The following CNIH3 variants were observed in gnomAD, a reference collection of about 807,000 sequenced individuals.
CNIH3 encodes the protein protein cornichon homolog 3.
Under a neutral mutation model 24.1 loss-of-function variants are expected in CNIH3, and 14 were observed. That is an observed-to-expected ratio of 0.58 (90% CI 0.38 to 0.91). The LOEUF (loss-of-function observed/expected upper bound fraction) is 0.91. Among genes scored for constraint, CNIH3 ranks in the 40% least tolerant of loss-of-function variants. CNIH3 has a pLI of 0.00. For missense variants in CNIH3, 178 were observed against 196.8 expected (o/e 0.90, Z 0.57); for synonymous variants, 68 against 73.8 (o/e 0.92, Z 0.40).
chr1:224,708,034 GTC>G (rs1333900838), intron 3 of CNIH3, among the ~76,000 whole-genome samples: 2 of 152,118 alleles, frequency 1.3e-5, no homozygotes, highest in Non-Finnish European at 2.9e-5. Context: ...CCTGCTCCCT[GTC>G]TCTGGTCACG....
chr1:224,511,214 G>A (rs114170325), upstream of CNIH3, among the ~76,000 whole-genome samples: 1,569 of 152,276 alleles, frequency 0.01, 31 homozygotes, highest in African/African-American at 0.035. Flanking sequence ...GCTGCTTGTC[G>A]TTTCCAAGGC....
intron 1 of CNIH3, among the ~76,000 whole-genome samples, chr1:224,502,179 A>T (rs1196390291): frequency 1.3e-5 from 2 of 152,200 alleles, no homozygotes; most frequent in Non-Finnish European, 2.9e-5. Context: ...TGGGGTCCTC[A>T]GAAACAGAGG....
chr1:224,705,851 TTTTTTTTC>T (rs1687765824), intron 3 of CNIH3, among the ~76,000 whole-genome samples: 2 of 70,720 alleles, frequency 2.8e-5, no homozygotes, highest in African/African-American at 7.4e-5. Flanking sequence ...CTTTCTTTTC[TTTTTTTTC>T]TTTTTTTTTT....
chr1:224,658,662 C>T lies in CNIH3; in HGVS notation c.82-22296C>T, dbSNP rs369000506. 8.6e-5 allele frequency among the ~76,000 whole-genome samples: 13 copies of T among 150,574 alleles called. No homozygotes were observed. The East Asian group carries it at 1.9e-3, about 22-fold the overall frequency. On this transcript the variant is annotated intron_variant, in intron 1 of 5. Transcript: ENST00000272133. ...ACTTTTTGATAGGAAATCCACTTTC[C>T]CAGATAATAAGACAGCAAAGACAGC...
chr1:224,448,058 G>T lies in CNIH3; in HGVS notation n.203+13196G>T, dbSNP rs144265777. On this transcript the variant is annotated intron_variant and non_coding_transcript_variant, in intron 1 of 5. Transcript: ENST00000471578. Reference sequence around the variant, plus strand: ...AGTCTTTCAAGTGGCAGCAGCAGATGGGGGCTGGAGGAGGAGAAAATGGAT... The same window carrying T: ...AGTCTTTCAAGTGGCAGCAGCAGATTGGGGCTGGAGGAGGAGAAAATGGAT... Among the ~76,000 whole-genome samples, 44 of 152,268 alleles carry T rather than the reference G, an allele frequency of 2.9e-4. No individual in the cohort carries two copies. The East Asian group carries it at 6.4e-3, about 22-fold the overall frequency.
At chr1:224,654,346 C>T (rs1685001581) in intron 1 of CNIH3, among the ~76,000 whole-genome samples, 1 of 152,200 alleles carries the variant, frequency 6.6e-6, no homozygotes, top group Admixed American at 6.5e-5. Flanking sequence ...CACACCACTG[C>T]ACTCCAGCCT....
downstream of CNIH3, among the ~76,000 whole-genome samples, chr1:224,589,442 A>C (rs1572535689): frequency 1.3e-5 from 2 of 152,192 alleles, no homozygotes; most frequent in Non-Finnish European, 2.9e-5. Context: ...GTACTTTTCT[A>C]TGTGCAGGCA....
chr1:224,723,556 C>T (rs1454300456), intron 3 of CNIH3, among the ~76,000 whole-genome samples: 1 of 152,244 alleles, frequency 6.6e-6, no homozygotes, highest in Non-Finnish European at 1.5e-5. Flanking sequence ...GCCCGTCACT[C>T]CTCTGCCCTT....
chr1:224,444,959 T>C (rs1201124705), intron 1 of CNIH3, among the ~76,000 whole-genome samples: 1 of 151,368 alleles, frequency 6.6e-6, no homozygotes, highest in Non-Finnish European at 1.5e-5. Flanking sequence ...TTTTTTTTTT[T>C]AGTAAACATC....
chr1:224,625,865 C>T (rs1275632017), intron 1 of CNIH3, among the ~76,000 whole-genome samples: 2 of 152,174 alleles, frequency 1.3e-5, no homozygotes, highest in African/African-American at 2.4e-5. Context: ...GGGGGCTGCA[C>T]GCTAGTCTCT....
intron 1 of CNIH3, among the ~76,000 whole-genome samples, chr1:224,445,093 CAGT>C (rs1299222855): frequency 1.3e-5 from 2 of 152,064 alleles, no homozygotes; most frequent in African/African-American, 2.4e-5. Flanking sequence ...ACCAGGACCC[CAGT>C]AGTATCTTAT....
At chr1:224,434,909 C>G in intron 1 of CNIH3, 1 of 985,306 alleles carries the variant, frequency 1.0e-6, no homozygotes, top group Non-Finnish European at 1.2e-6. Flanking sequence ...GCATCGGGGG[C>G]TGTCCCGGGG....
intron 4 of CNIH3, among the ~76,000 whole-genome samples, chr1:224,578,562 C>G (rs552785816): frequency 6.6e-6 from 1 of 152,182 alleles, no homozygotes; most frequent in Admixed American, 6.5e-5. Context: ...ATTTTGGTGA[C>G]TGGTACTATT....
intron 4 of CNIH3, among the ~76,000 whole-genome samples, chr1:224,732,818 GT>G (rs1689405726): frequency 6.6e-6 from 1 of 152,198 alleles, no homozygotes; most frequent in Non-Finnish European, 1.5e-5. Flanking sequence ...GACTAGGAAA[GT>G]TGATCTCTAT....
At chr1:224,491,197 A>T (rs1181555544) in intron 1 of CNIH3, among the ~76,000 whole-genome samples, 1 of 152,252 alleles carries the variant, frequency 6.6e-6, no homozygotes, top group African/African-American at 2.4e-5. Flanking sequence ...GCTGAGGAAC[A>T]AAAACCATCC....
chr1:224,443,099 A>C (rs181163904), intron 1 of CNIH3, among the ~76,000 whole-genome samples: 1 of 152,216 alleles, frequency 6.6e-6, no homozygotes, highest in Non-Finnish European at 1.5e-5. Context: ...ATCCTTGTTG[A>C]AACAGACATT....
chr1:224,539,970 A>G (rs192097980), downstream of CNIH3, among the ~76,000 whole-genome samples: 10 of 152,298 alleles, frequency 6.6e-5, no homozygotes, highest in South Asian at 2.1e-4. Flanking sequence ...TTCGTGTAAC[A>G]TTGATCACAC....
At chr1:224,568,695 A>G (rs2124996528) in intron 4 of CNIH3, among the ~76,000 whole-genome samples, 1 of 152,176 alleles carries the variant, frequency 6.6e-6, no homozygotes, top group South Asian at 2.1e-4. Context: ...TTGGGGCCGT[A>G]GTGAACCTTG....
intron 2 of CNIH3, among the ~76,000 whole-genome samples, chr1:224,534,327 T>C (rs191333911): frequency 1.2e-4 from 19 of 152,344 alleles, no homozygotes; most frequent in Middle Eastern, 3.4e-3. Flanking sequence ...ACTGAGAGTC[T>C]GAAATGTCTG....
Sources: allele counts gnomAD v4.1 joint callset (sites outside exome capture counted in the v4.1 genomes callset), GRCh38; gene constraint gnomAD v4.1.1; transcripts MANE v1.5; gene names NCBI Gene and HGNC (gene_info 2026-07-23, HGNC 2026-07-21).